IFT81: variants seen among roughly 807,000 people sequenced by gnomAD.
The protein encoded by IFT81 is intraflagellar transport 81, also known as intraflagellar transport protein 81 homolog.
IFT81 carries 72 observed loss-of-function variants against 102.6 expected under a neutral mutation model. The observed-to-expected ratio is 0.70, with a 90% CI of 0.58 to 0.85. The LOEUF (loss-of-function observed/expected upper bound fraction) is 0.85. Ranked by LOEUF, IFT81 falls within the 40% of genes least tolerant of loss-of-function variation. The pLI, the probability that IFT81 is intolerant of heterozygous loss-of-function variation, is 0.00. For missense variants in IFT81, 723 were observed against 787.3 expected (o/e 0.92, Z 0.98); for synonymous variants, 237 against 242.7 (o/e 0.98, Z 0.22).
chr12:110,214,264 A>G (rs1393362565), intron 18 of IFT81, among the ~76,000 whole-genome samples: 3 of 152,180 alleles, frequency 2.0e-5, no homozygotes, highest in Non-Finnish European at 4.4e-5. Flanking sequence ...ATGATTGTCA[A>G]AATTGACTTT....
rs201809237 is a variant in IFT81 at position 110,214,955 on chromosome 12, ATAAACT to A, written c.1849-3084_1849-3079del. Among the ~76,000 whole-genome samples, 1,116 of 152,346 alleles carry A rather than the reference ATAAACT, an allele frequency of 7.3e-3. 15 individuals carry two copies. Among genetic ancestry groups the A allele is most frequent in the Non-Finnish European group, 9.5e-3 (645 of 68,032 alleles). On this transcript the variant is annotated intron_variant, in intron 18 of 18. Coordinates refer to ENST00000242591, the MANE Select transcript of IFT81 (RefSeq NM_014055.4). ...TGTTGTAAGATACATTATTTGTAACATAAACTTAAATAGATGTATTAATATGCCAGG... is the reference window on the plus strand; with the variant it reads ...TGTTGTAAGATACATTATTTGTAACATAAATAGATGTATTAATATGCCAGG...
intron 11 of IFT81, among the ~76,000 whole-genome samples, chr12:110,165,484 G>A (rs1388682565): frequency 3.9e-5 from 6 of 152,048 alleles, no homozygotes; most frequent in Non-Finnish European, 8.8e-5. Context: ...TTAAACAGTT[G>A]GTGAGAAGGT....
chr12:110,191,762 A>G (rs552001481), intron 13 of IFT81, among the ~76,000 whole-genome samples: 4 of 152,094 alleles, frequency 2.6e-5, no homozygotes, highest in Non-Finnish European at 4.4e-5. Context: ...TTGTTGGTAA[A>G]TAGCCGCCCC....
At position 110,139,406 on chromosome 12, in the gene IFT81, G is replaced by A. The variant is rs999629074; in HGVS notation, c.781+2546G>A. 1.6e-4 allele frequency among the ~76,000 whole-genome samples: 24 copies of A among 151,056 alleles called. 2 individuals are homozygous for A. Among genetic ancestry groups the A allele is most frequent in the East Asian group, 1.4e-3 (7 of 5,126 alleles). ...CTGCATGTATTTGGTATGGTTCAGC[G>A]ACTCACACCTATAATCATACTCCTT... On this transcript the variant is annotated intron_variant, in intron 8 of 18. Transcript: ENST00000242591.
At chr12:110,161,760 A>AT (rs1283343878) in intron 10 of IFT81, among the ~76,000 whole-genome samples, 2 of 151,924 alleles carry the variant, frequency 1.3e-5, no homozygotes, top group Non-Finnish European at 2.9e-5. Context: ...AGCCTCCTTC[A>AT]TTTTTTAAGC....
chr12:110,148,036 G>GTTAT (rs1054629326), intron 10 of IFT81, among the ~76,000 whole-genome samples: 7 of 152,012 alleles, frequency 4.6e-5, no homozygotes, highest in Non-Finnish European at 8.8e-5. Context: ...TGGCTGATAA[G>GTTAT]TTATTTATTT....
intron 11 of IFT81, among the ~76,000 whole-genome samples, chr12:110,179,773 TACACACACAC>T (rs34207126): frequency 7.9e-5 from 4 of 50,482 alleles, no homozygotes; most frequent in African/African-American, 2.2e-4. Flanking sequence ...TATATATATA[TACACACACAC>T]ACACACACAC....
chr12:110,171,195 T>A (rs551919147), intron 11 of IFT81, among the ~76,000 whole-genome samples: 1 of 151,770 alleles, frequency 6.6e-6, no homozygotes, highest in Non-Finnish European at 1.5e-5. Flanking sequence ...GTAATAGAAG[T>A]GTAGTGTATT....
chr12:110,128,233 A>C (rs1893960300), intron 3 of IFT81, 84 bp downstream of exon 3: 1 of 810,536 alleles, frequency 1.2e-6, no homozygotes, highest in African/African-American at 1.7e-5. Context: ...CTTTGTAGGT[A>C]ATACCTGGTT....
chr12:110,207,803 G>A (rs1365401097), intron 17 of IFT81, among the ~76,000 whole-genome samples: 1 of 151,950 alleles, frequency 6.6e-6, no homozygotes, highest in Non-Finnish European at 1.5e-5. Flanking sequence ...GACCTCGTGA[G>A]CCACCGCGCC....
intron 5 of IFT81, among the ~76,000 whole-genome samples, chr12:110,134,174 A>G (rs1001418746): frequency 2.0e-5 from 3 of 152,128 alleles, no homozygotes; most frequent in African/African-American, 7.2e-5. Flanking sequence ...CTAGTTTTGT[A>G]TTTTTAGTAG....
chr12:110,158,437 T>C (rs1361094819), intron 10 of IFT81, among the ~76,000 whole-genome samples: 2 of 152,066 alleles, frequency 1.3e-5, no homozygotes, highest in East Asian at 3.9e-4. Context: ...GGTCTCATTA[T>C]GCTGCTCAAA....
chr12:110,161,934 G>T (rs1425110061), intron 10 of IFT81, among the ~76,000 whole-genome samples: 1 of 152,056 alleles, frequency 6.6e-6, no homozygotes, highest in Non-Finnish European at 1.5e-5. Context: ...AGACAGTTTG[G>T]CTAATGTTTT....
intron 14 of IFT81, among the ~76,000 whole-genome samples, chr12:110,201,232 G>T (rs1008687621): frequency 1.3e-5 from 2 of 151,564 alleles, no homozygotes; most frequent in Admixed American, 1.3e-4. Context: ...GTGAAACCTT[G>T]TCTCTACTAA....
intron 12 of IFT81, among the ~76,000 whole-genome samples, chr12:110,185,017 A>G (rs1897461621): frequency 6.6e-6 from 1 of 152,120 alleles, no homozygotes; most frequent in Admixed American, 6.5e-5. Flanking sequence ...AATTCACCAC[A>G]AGTGAAAGTC....
intron 11 of IFT81, among the ~76,000 whole-genome samples, chr12:110,172,484 C>G (rs1490366826): frequency 6.6e-6 from 1 of 152,176 alleles, no homozygotes; most frequent in Non-Finnish European, 1.5e-5. Flanking sequence ...TGCAACCTCC[C>G]TGCCTGATTC....
At chr12:110,159,073 C>G (rs1339014985) in intron 10 of IFT81, among the ~76,000 whole-genome samples, 2 of 152,170 alleles carry the variant, frequency 1.3e-5, no homozygotes, top group Non-Finnish European at 2.9e-5. Context: ...TGTAGTAACT[C>G]TGGAAATTAG....
intron 10 of IFT81, among the ~76,000 whole-genome samples, chr12:110,159,312 T>C (rs1217584904): frequency 1.3e-5 from 2 of 152,072 alleles, no homozygotes; most frequent in Non-Finnish European, 2.9e-5. Flanking sequence ...CACAGAAATA[T>C]ACCTGGGCGT....
chr12:110,162,331 C>CTTTTTTT (rs1160267123), intron 10 of IFT81: 4 of 100,078 alleles, frequency 4.0e-5, no homozygotes, highest in East Asian at 2.6e-4. Context: ...TAATATTTTT[C>CTTTTTTT]TTTTTTTTTT....
Sources: gnomAD v4.1 joint callset for allele counts (sites outside exome capture counted in the v4.1 genomes callset) on GRCh38, gnomAD v4.1.1 for gene constraint, MANE v1.5 for transcripts, NCBI Gene and HGNC (gene_info 2026-07-23, HGNC 2026-07-21) for gene names.